The following TCF7L1 variants were observed in gnomAD, a reference collection of about 807,000 sequenced individuals.
TCF7L1 encodes transcription factor 7-like 1.
A neutral mutation model predicts 63.7 loss-of-function variants in TCF7L1; 18 were observed. The observed-to-expected ratio is 0.28, with a 90% CI of 0.20 to 0.42. TCF7L1 has a LOEUF of 0.42. Ranked by LOEUF, TCF7L1 falls within the 10% of genes least tolerant of loss-of-function variation. The pLI is 1.00. For synonymous variants in TCF7L1, 355 were observed against 340.9 expected (o/e 1.04, Z -0.46); for missense variants, 654 against 779.3 (o/e 0.84, Z 1.91).
At chr2:85,301,302 G>C (rs1044687569) in intron 4 of TCF7L1, among the ~76,000 whole-genome samples, 11 of 152,206 alleles carry the variant, frequency 7.2e-5, no homozygotes, top group South Asian at 2.1e-4. Context: ...CCCAGGCTAA[G>C]TCATGTAATC....
chr2:85,236,163 A>G (rs1680185825), intron 3 of TCF7L1, among the ~76,000 whole-genome samples: 1 of 133,044 alleles, frequency 7.5e-6, no homozygotes, highest in Non-Finnish European at 1.5e-5. Context: ...AAACCACGCC[A>G]TCCCCCCCCC....
intron 3 of TCF7L1, among the ~76,000 whole-genome samples, chr2:85,268,943 G>C (rs537132526): frequency 6.6e-6 from 1 of 152,232 alleles, no homozygotes; most frequent in East Asian, 1.9e-4. Flanking sequence ...GACAGTGGTA[G>C]TTGAGATTGA....
intron 3 of TCF7L1, among the ~76,000 whole-genome samples, chr2:85,231,358 A>G (rs1345029062): frequency 1.3e-5 from 2 of 152,222 alleles, no homozygotes; most frequent in Non-Finnish European, 2.9e-5. Flanking sequence ...AGAATGATCA[A>G]TTGTTGGCTG....
At chr2:85,303,865 A>C in intron 5 of TCF7L1, 30 bp from the exon 6 acceptor site, 88 of 1,464,204 alleles carry the variant, frequency 6.0e-5, no homozygotes, top group Non-Finnish European at 7.6e-5. Context: ...GGGCGAGGGA[A>C]CAGTCTGACA....
chr2:85,201,357 T>C (rs1679269104), intron 3 of TCF7L1, among the ~76,000 whole-genome samples: 1 of 152,226 alleles, frequency 6.6e-6, no homozygotes, highest in Non-Finnish European at 1.5e-5. Context: ...AAAGTTTTGA[T>C]AAATTTTAAT....
At chr2:85,161,443 G>A (rs1678284317) in intron 3 of TCF7L1, among the ~76,000 whole-genome samples, 1 of 152,208 alleles carries the variant, frequency 6.6e-6, no homozygotes, top group African/African-American at 2.4e-5. Flanking sequence ...GAGCAAGGGA[G>A]GTGCTTCGGG....
At chr2:85,142,481 A>AAT (rs148154309) in intron 3 of TCF7L1, among the ~76,000 whole-genome samples, 5,067 of 143,214 alleles carry the variant, frequency 0.035, 160 homozygotes, top group African/African-American at 0.087. Context: ...GTATATATAT[A>AAT]ATATATATAT....
intron 3 of TCF7L1, among the ~76,000 whole-genome samples, chr2:85,267,200 T>C (rs1680995934): frequency 6.7e-6 from 1 of 150,138 alleles, no homozygotes; most frequent in Admixed American, 6.7e-5. Flanking sequence ...ATTAGCTGGG[T>C]GTGCACCTGT....
At chr2:85,212,209 G>T (rs1355821154) in intron 3 of TCF7L1, among the ~76,000 whole-genome samples, 1 of 152,100 alleles carries the variant, frequency 6.6e-6, no homozygotes. Context: ...CCCCAGATGG[G>T]CTGTGGCCAC....
At chr2:85,238,614 A>G (rs751755679) in intron 3 of TCF7L1, among the ~76,000 whole-genome samples, 8 of 152,042 alleles carry the variant, frequency 5.3e-5, no homozygotes, top group East Asian at 3.9e-4. Flanking sequence ...GGCAAAGTCT[A>G]TGCCCTCATG....
chr2:85,137,480 G>C (rs960688326), intron 3 of TCF7L1, among the ~76,000 whole-genome samples: 1 of 152,240 alleles, frequency 6.6e-6, no homozygotes, highest in Non-Finnish European at 1.5e-5. Flanking sequence ...CCTGTGAAGA[G>C]AGGAATAACT....
chr2:85,261,603 A>G (rs1680858318), intron 3 of TCF7L1, among the ~76,000 whole-genome samples: 1 of 152,216 alleles, frequency 6.6e-6, no homozygotes, highest in South Asian at 2.1e-4. Context: ...TGTCAAAGCT[A>G]AAAAGAAGCC....
At chr2:85,278,986 G>A (rs1447489915) in intron 3 of TCF7L1, among the ~76,000 whole-genome samples, 1 of 152,194 alleles carries the variant, frequency 6.6e-6, no homozygotes, top group Non-Finnish European at 1.5e-5. Context: ...ATTCCGGTGG[G>A]CATCCCCCAG....
intron 3 of TCF7L1, among the ~76,000 whole-genome samples, chr2:85,206,122 G>A (rs1679404439): frequency 2.6e-5 from 4 of 152,256 alleles, no homozygotes. Context: ...CTGTCTGCAG[G>A]GGCTAGGGCC....
At chr2:85,187,271 A>G (rs1678947805) in intron 3 of TCF7L1, 1 of 152,194 alleles carries the variant, frequency 6.6e-6, no homozygotes, top group South Asian at 2.1e-4. Context: ...TCTCTCCCAG[A>G]AGAATTTTCT....
chr2:85,305,186 A>G (rs1217375149), intron 7 of TCF7L1, 74 bp from the exon 8 acceptor site: 13 of 1,596,152 alleles, frequency 8.1e-6, no homozygotes, highest in African/African-American at 6.7e-5. Flanking sequence ...GCAGAGAGCC[A>G]CCGTGTCCTC....
At chr2:85,233,800 T>C (rs1680132511) in intron 3 of TCF7L1, 1 of 152,206 alleles carries the variant, frequency 6.6e-6, no homozygotes, top group South Asian at 2.1e-4. Flanking sequence ...TTTTCCAGGA[T>C]ATAAGTGGAT....
At chr2:85,155,104 C>A (rs768218785) in intron 3 of TCF7L1, among the ~76,000 whole-genome samples, 3 of 152,214 alleles carry the variant, frequency 2.0e-5, no homozygotes. Context: ...TCTGAGGCAC[C>A]ACACCCAGCA....
intron 3 of TCF7L1, among the ~76,000 whole-genome samples, chr2:85,241,834 A>G (rs1456208807): frequency 6.6e-6 from 1 of 152,136 alleles, no homozygotes; most frequent in Non-Finnish European, 1.5e-5. Context: ...GAAACTTAAA[A>G]AAAGAAATTA....
Sources: allele counts gnomAD v4.1 joint callset (sites outside exome capture counted in the v4.1 genomes callset), GRCh38; gene constraint gnomAD v4.1.1; transcripts MANE v1.5; gene names NCBI Gene and HGNC (gene_info 2026-07-23, HGNC 2026-07-21).